TPTE: variants seen among roughly 807,000 people sequenced by gnomAD.
TPTE encodes the protein putative tyrosine-protein phosphatase TPTE.
A neutral mutation model predicts 84.1 loss-of-function variants in TPTE; 59 were observed. That is an observed-to-expected ratio of 0.70 (90% confidence interval 0.57 to 0.87). The LOEUF (loss-of-function observed/expected upper bound fraction) is 0.87, where lower values mean the gene tolerates loss of function less well. Ranked by LOEUF, TPTE falls within the 40% of genes least tolerant of loss-of-function variation. The pLI is 0.00. For missense variants in TPTE, 382 were observed against 659.6 expected (o/e 0.58, Z 4.61); for synonymous variants, 130 against 223.5 (o/e 0.58, Z 3.73).
intron 22 of TPTE, 55 bp from the exon 23 acceptor site, chr21:10,603,507 T>C: frequency 1.3e-6 from 2 of 1,515,598 alleles, no homozygotes; most frequent in Non-Finnish European, 1.8e-6. Flanking sequence ...TCAATTTCTT[T>C]GGAATGATTA....
intron 10 of TPTE, among the ~76,000 whole-genome samples, chr21:10,565,245 T>C (rs2074897429): frequency 2.0e-5 from 3 of 152,428 alleles, no homozygotes; most frequent in Admixed American, 6.5e-5. Context: ...TAAAAAGTGG[T>C]CCTATATACA....
chr21:10,576,838 C>CATATATATATATATATAT (rs56285862), intron 14 of TPTE, among the ~76,000 whole-genome samples: 12 of 135,940 alleles, frequency 8.8e-5, no homozygotes, highest in Non-Finnish European at 1.3e-4. Flanking sequence ...TACATATATA[C>CATATATATATATATATAT]ATATATATAT....
At position 10,598,068 on chromosome 21, in the gene TPTE, T is replaced by C. The variant is rs763560950; in HGVS notation, c.1330T>C (p.Ser444Pro). 3 of 1,613,798 alleles carry C rather than the reference T, an allele frequency of 1.9e-6. No individual in the cohort carries two copies. Among genetic ancestry groups the C allele is most frequent in the Admixed American group, 3.3e-5 (2 of 60,010 alleles). The change falls in exon 21 of 24, where the codon TCC (serine) becomes CCC (proline). Residue 444 changes from serine to proline, a missense_variant. This residue lies in a region of TPTE where 36 missense variants were observed against 36.3 expected (regional missense o/e 0.99). Coordinates refer to ENST00000618007, the MANE Select transcript of TPTE (RefSeq NM_199261.4). The stretch of plus-strand genomic sequence containing the variant: ...AGAAATGGAGAAAAAGGTTGTCTTT[T>C]CCACTATTTCATTAGGAAAATGTTC... ...QIEMEKKVVF[S>P]TISLGKCSVL...
chr21:10,540,247 A>G (rs1243740653), intron 4 of TPTE, among the ~76,000 whole-genome samples: 36 of 152,368 alleles, frequency 2.4e-4, no homozygotes, highest in African/African-American at 8.4e-4. Context: ...ACAAACACAT[A>G]CATACATGCA....
chr21:10,598,537 A>G (rs1195441321), intron 21 of TPTE, among the ~76,000 whole-genome samples: 2 of 152,308 alleles, frequency 1.3e-5, no homozygotes, highest in African/African-American at 4.8e-5. Flanking sequence ...TGTACCCCCA[A>G]AGTATGATTC....
chr21:10,600,133 TC>T (rs1430588861), intron 21 of TPTE, among the ~76,000 whole-genome samples: 3 of 146,446 alleles, frequency 2.0e-5, no homozygotes, highest in Admixed American at 1.5e-4. Context: ...CCAATTTTTT[TC>T]TTTTTCTTTT....
intron 22 of TPTE, chr21:10,602,897 C>T: frequency 1.9e-6 from 1 of 517,972 alleles, no homozygotes; most frequent in Non-Finnish European, 3.9e-6. Flanking sequence ...AGCAGGTTTC[C>T]TGCGGGGAGG....
chr21:10,581,760 T>G (rs1333336287), intron 17 of TPTE, among the ~76,000 whole-genome samples: 6 of 152,304 alleles, frequency 3.9e-5, no homozygotes, highest in Admixed American at 3.9e-4. Flanking sequence ...TGAGACATGA[T>G]CTCGCTGTGT....
intron 3 of TPTE, among the ~76,000 whole-genome samples, chr21:10,528,200 C>CAAAA (rs3049970): frequency 4.3e-3 from 649 of 151,124 alleles, no homozygotes; most frequent in African/African-American, 0.014. Context: ...CAATTTGAAC[C>CAAAA]AAAAAAAAAA....
intron 10 of TPTE, among the ~76,000 whole-genome samples, chr21:10,567,266 A>C (rs2074941361): frequency 6.6e-6 from 1 of 152,310 alleles, no homozygotes; most frequent in African/African-American, 2.4e-5. Flanking sequence ...ATAGCACAAC[A>C]GATTGACCAT....
chr21:10,588,922 C>T (rs1375211156), intron 17 of TPTE, among the ~76,000 whole-genome samples: 1 of 152,304 alleles, frequency 6.6e-6, no homozygotes, highest in African/African-American at 2.4e-5. Flanking sequence ...GTAGAAGTTT[C>T]TTTTTGTTGA....
intron 17 of TPTE, among the ~76,000 whole-genome samples, chr21:10,588,401 C>A (rs1413290584): frequency 6.6e-6 from 1 of 152,306 alleles, no homozygotes; most frequent in Non-Finnish European, 1.5e-5. Flanking sequence ...GATGGGGCTA[C>A]CTTTGTGTGT....
chr21:10,599,373 A>C (rs868688471), intron 21 of TPTE, among the ~76,000 whole-genome samples: 120 of 151,950 alleles, frequency 7.9e-4, no homozygotes, highest in African/African-American at 2.7e-3. Flanking sequence ...AATGTATAGA[A>C]TCCTGAAATA....
chr21:10,572,660 C>A (rs894052123), intron 14 of TPTE, among the ~76,000 whole-genome samples: 23 of 152,220 alleles, frequency 1.5e-4, no homozygotes, highest in Non-Finnish European at 2.6e-4. Context: ...GTAGAGCTAT[C>A]CCCTAGAAAT....
intron 8 of TPTE, among the ~76,000 whole-genome samples, chr21:10,558,772 C>T (rs1161328853): frequency 7.6e-5 from 11 of 143,844 alleles, no homozygotes; most frequent in Non-Finnish European, 1.1e-4. Flanking sequence ...GCTTCTCCTC[C>T]TGAAGAGCCT....
intron 17 of TPTE, among the ~76,000 whole-genome samples, chr21:10,581,057 A>G (rs377227578): frequency 3.3e-5 from 5 of 152,306 alleles, no homozygotes; most frequent in East Asian, 3.8e-4. Flanking sequence ...ACTGACTTAT[A>G]TAATTCAGTA....
intron 6 of TPTE, among the ~76,000 whole-genome samples, 159 bp downstream of exon 6, chr21:10,542,607 TCATC>T (rs1398778751): frequency 6.6e-6 from 1 of 152,176 alleles, no homozygotes; most frequent in South Asian, 2.1e-4. Flanking sequence ...ATCCATCCAT[TCATC>T]CATCCATCCA....
chr21:10,523,916 A>G (rs1009231446), intron 1 of TPTE, among the ~76,000 whole-genome samples: 17 of 152,304 alleles, frequency 1.1e-4, no homozygotes, highest in Non-Finnish European at 1.6e-4. Context: ...TCCCACCAAC[A>G]GTGTAAAAGT....
At chr21:10,543,860 G>T (rs1377474040) in intron 7 of TPTE, among the ~76,000 whole-genome samples, 1 of 152,306 alleles carries the variant, frequency 6.6e-6, no homozygotes, top group Admixed American at 6.5e-5. Flanking sequence ...ATAAGGAGTA[G>T]TGAAGCCCTG....
Sources: gnomAD v4.1 joint callset for allele counts (sites outside exome capture counted in the v4.1 genomes callset) on GRCh38, gnomAD v4.1.1 for gene constraint, gnomAD v4.1.1 regional missense constraint, MANE v1.5 for transcripts, NCBI Gene and HGNC (gene_info 2026-07-23, HGNC 2026-07-21) for gene names.